ZNF385D: variants seen among roughly 807,000 people sequenced by gnomAD.
ZNF385D encodes the protein zinc finger protein 385D.
ZNF385D carries 15 observed loss-of-function variants against 35.8 expected under a neutral mutation model. The observed-to-expected ratio is 0.42, with a 90% CI of 0.28 to 0.64. The LOEUF is 0.64. Ranked by LOEUF, ZNF385D falls within the 30% of genes least tolerant of loss-of-function variation. ZNF385D has a pLI of 0.23. For synonymous variants in ZNF385D, 212 were observed against 186.8 expected, an observed-to-expected ratio of 1.13 and a Z score of -1.10; for missense variants, 474 against 494.6, an observed-to-expected ratio of 0.96 and a Z score of 0.39.
At chr3:21,959,910 T>A (rs980225119) in intron 3 of ZNF385D, among the ~76,000 whole-genome samples, 1 of 151,192 alleles carries the variant, frequency 6.6e-6, no homozygotes, top group Non-Finnish European at 1.5e-5. Flanking sequence ...GATTAAATAC[T>A]GAAACATAAG....
chr3:21,966,356 A>T (rs1039553172), intron 3 of ZNF385D, among the ~76,000 whole-genome samples: 1 of 152,206 alleles, frequency 6.6e-6, no homozygotes, highest in Non-Finnish European at 1.5e-5. Flanking sequence ...TAAGGAACTA[A>T]CTTCACCTTC....
chr3:22,104,081 CTTG>C (rs1167586942), intron 3 of ZNF385D, among the ~76,000 whole-genome samples: 1 of 151,954 alleles, frequency 6.6e-6, no homozygotes, highest in Non-Finnish European at 1.5e-5. Context: ...TATGTGAGAA[CTTG>C]TTATCTTTTC....
chr3:21,496,475 C>CAT (rs142860913), intron 4 of ZNF385D, among the ~76,000 whole-genome samples: 71,574 of 118,252 alleles, frequency 0.61, 19,354 homozygotes, highest in East Asian at 0.71. Flanking sequence ...CATATATATA[C>CAT]ATATATACAC....
intron 4 of ZNF385D, among the ~76,000 whole-genome samples, chr3:21,486,665 A>T (rs867399448): frequency 6.6e-5 from 10 of 152,166 alleles, no homozygotes; most frequent in Non-Finnish European, 1.3e-4. Flanking sequence ...AAAATGAAAG[A>T]ATCTGGGCAT....
intron 3 of ZNF385D, among the ~76,000 whole-genome samples, chr3:22,113,050 A>G (rs1559378684): frequency 6.6e-6 from 1 of 152,112 alleles, no homozygotes; most frequent in Non-Finnish European, 1.5e-5. Flanking sequence ...GAAATGAAGT[A>G]GATTGGACCC....
At position 21,668,616 on chromosome 3, in the gene ZNF385D, C is replaced by T. The variant is rs186580427; in HGVS notation, c.23-3588G>A. Among the ~76,000 whole-genome samples, 112 of 152,228 alleles carry T rather than the reference C, an allele frequency of 7.4e-4. 1 individual carries two copies. The highest frequency in any genetic ancestry group is 2.1e-3 in the South Asian group (10 of 4,824). ...AACCTATAGCACTGATATTGAGGCACGAAATCGAAGCTACTTCTTAAAAAT... is the reference window on the plus strand; with the variant it reads ...AACCTATAGCACTGATATTGAGGCATGAAATCGAAGCTACTTCTTAAAAAT... On this transcript the variant is annotated intron_variant, in intron 1 of 7. Coordinates refer to ENST00000281523, the MANE Select transcript of ZNF385D (RefSeq NM_024697.3).
At chr3:21,560,444 C>T (rs2062900591) in intron 3 of ZNF385D, among the ~76,000 whole-genome samples, 1 of 152,180 alleles carries the variant, frequency 6.6e-6, no homozygotes, top group Non-Finnish European at 1.5e-5. Context: ...CCACTCCAGA[C>T]CCTGTTTGCC....
chr3:21,744,761 C>G (rs901656080), intron 1 of ZNF385D, among the ~76,000 whole-genome samples: 2 of 151,610 alleles, frequency 1.3e-5, no homozygotes, highest in Non-Finnish European at 2.9e-5. Context: ...AAAGAAGCAA[C>G]TAGAAACAGA....
At chr3:22,312,916 G>T (rs1363029160) in intron 2 of ZNF385D, among the ~76,000 whole-genome samples, 4 of 131,140 alleles carry the variant, frequency 3.1e-5, no homozygotes, top group Non-Finnish European at 6.4e-5. Flanking sequence ...ATACCCAAAG[G>T]ACTATAAATC....
chr3:21,636,467 G>A (rs371740500), intron 2 of ZNF385D, among the ~76,000 whole-genome samples: 8 of 139,790 alleles, frequency 5.7e-5, no homozygotes, highest in South Asian at 4.5e-4. Context: ...ACAATAAGCC[G>A]TCTGCAAGCT....
intron 2 of ZNF385D, among the ~76,000 whole-genome samples, chr3:22,296,782 G>A (rs1702607030): frequency 6.6e-6 from 1 of 152,118 alleles, no homozygotes; most frequent in Non-Finnish European, 1.5e-5. Context: ...ACAGCATAGT[G>A]TCTGTCTTGA....
intron 3 of ZNF385D, among the ~76,000 whole-genome samples, chr3:21,970,824 G>T (rs1206840037): frequency 2.7e-5 from 4 of 150,888 alleles, no homozygotes; most frequent in Non-Finnish European, 3.0e-5. Flanking sequence ...GAAGAGAAAA[G>T]AAACAAATAA....
chr3:21,587,352 G>GC (rs1407593930), intron 2 of ZNF385D, among the ~76,000 whole-genome samples: 1 of 152,178 alleles, frequency 6.6e-6, no homozygotes, highest in African/African-American at 2.4e-5. Context: ...ACATAATTCA[G>GC]CCTGTAGCAA....
intron 3 of ZNF385D, among the ~76,000 whole-genome samples, chr3:21,878,979 G>A (rs904948808): frequency 2.0e-5 from 3 of 151,964 alleles, no homozygotes; most frequent in East Asian, 1.9e-4. Flanking sequence ...GAGAGCAGGA[G>A]GGTAGGACAG....
In ZNF385D at chr3:21,415,688, C is replaced by T. The variant is rs370394748; in HGVS notation, c.*5526G>A. On this transcript the variant is annotated 3_prime_UTR_variant, in exon 8 of 8. Transcript: ENST00000281523. Reference sequence around the variant, plus strand: ...TTCTTTGCTCACAAATCATTTTAGCCCTAATCTTTAAAAATTGCCTTTAGA... The same window carrying T: ...TTCTTTGCTCACAAATCATTTTAGCTCTAATCTTTAAAAATTGCCTTTAGA... 165 of 152,052 alleles carry T rather than the reference C, an allele frequency of 1.1e-3. No homozygotes were observed. The highest frequency in any genetic ancestry group is 3.5e-3 in the African/African-American group (146 of 41,482). The allele number at this position is 152,052 out of a possible 1,614,324, so 9.4% of individuals were successfully genotyped here. A position where few individuals can be genotyped will look rare whatever the true frequency, so the allele number is the denominator to read the frequency against.
intron 2 of ZNF385D, among the ~76,000 whole-genome samples, chr3:22,232,511 G>T (rs1001705862): frequency 1.3e-5 from 2 of 152,136 alleles, no homozygotes; most frequent in Non-Finnish European, 2.9e-5. Flanking sequence ...CCTATATTAG[G>T]TATTTCTCCT....
chr3:21,673,421 A>G (rs1559507711), intron 1 of ZNF385D, among the ~76,000 whole-genome samples: 1 of 152,140 alleles, frequency 6.6e-6, no homozygotes, highest in African/African-American at 2.4e-5. Flanking sequence ...CTCAAGCAGC[A>G]AATAATTTAC....
chr3:21,762,063 G>A (rs2070640855), intron 3 of ZNF385D, among the ~76,000 whole-genome samples: 1 of 151,650 alleles, frequency 6.6e-6, no homozygotes, highest in South Asian at 2.1e-4. Context: ...ATTTTTAGTA[G>A]AGACAGGGTT....
chr3:22,091,367 G>A (rs1299518373), intron 3 of ZNF385D, among the ~76,000 whole-genome samples: 1 of 152,186 alleles, frequency 6.6e-6, no homozygotes, highest in Non-Finnish European at 1.5e-5. Context: ...CATTGGGATG[G>A]ATTCCCTGAT....
Sources: gnomAD v4.1 joint callset for allele counts (sites outside exome capture counted in the v4.1 genomes callset) on GRCh38, gnomAD v4.1.1 for gene constraint, MANE v1.5 for transcripts, NCBI Gene and HGNC (gene_info 2026-07-23, HGNC 2026-07-21) for gene names.